The following SPOCK3 variants were observed in gnomAD, a reference collection of about 807,000 sequenced individuals.
The protein encoded by SPOCK3 is testican-3.
A neutral mutation model predicts 56.6 loss-of-function variants in SPOCK3; 30 were observed. The ratio of observed to expected loss-of-function variants is 0.53; its 90% CI spans 0.40 to 0.72. The LOEUF (loss-of-function observed/expected upper bound fraction) is 0.72. Among genes scored for constraint, SPOCK3 ranks in the 30% least tolerant of loss-of-function variants. The pLI, the probability that SPOCK3 is intolerant of heterozygous loss-of-function variation, is 0.00. For synonymous variants in SPOCK3, 196 were observed against 183.3 expected (o/e 1.07, Z -0.56); for missense variants, 527 against 530.0 (o/e 0.99, Z 0.06).
chr4:167,164,772 T>G (rs1187620652), intron 2 of SPOCK3, among the ~76,000 whole-genome samples: 1 of 152,168 alleles, frequency 6.6e-6, no homozygotes, highest in African/African-American at 2.4e-5. Flanking sequence ...CATTATCTTA[T>G]CCTTTTTTAT....
chr4:167,028,682 A>G (rs1751957727), intron 3 of SPOCK3, among the ~76,000 whole-genome samples: 1 of 152,050 alleles, frequency 6.6e-6, no homozygotes. Flanking sequence ...AGGAGATTGA[A>G]AAATCTCTTT....
chr4:166,940,838 A>C (rs2150015052), intron 4 of SPOCK3, among the ~76,000 whole-genome samples: 2 of 142,954 alleles, frequency 1.4e-5, no homozygotes, highest in Admixed American at 6.9e-5. Flanking sequence ...CTTACTGGTA[A>C]CTCCTCTTCC....
intron 3 of SPOCK3, among the ~76,000 whole-genome samples, chr4:167,043,890 A>G (rs1753468337): frequency 6.6e-6 from 1 of 151,918 alleles, no homozygotes; most frequent in Non-Finnish European, 1.5e-5. Flanking sequence ...CCTAGTCTAC[A>G]GTGTTTGTTT....
intron 2 of SPOCK3, among the ~76,000 whole-genome samples, chr4:167,072,683 CT>C (rs1580204366): frequency 1.3e-5 from 2 of 151,798 alleles, no homozygotes; most frequent in East Asian, 3.9e-4. Context: ...TTTATTTTTT[CT>C]TTTCTGACCA....
chr4:166,763,036 G>T (rs1159951758), intron 7 of SPOCK3, among the ~76,000 whole-genome samples: 4 of 151,774 alleles, frequency 2.6e-5, no homozygotes, highest in African/African-American at 9.7e-5. Flanking sequence ...AATTACAAAT[G>T]CAGATACACA....
chr4:166,782,079 A>G (rs1471085000), intron 7 of SPOCK3, among the ~76,000 whole-genome samples: 1 of 152,150 alleles, frequency 6.6e-6, no homozygotes, highest in Admixed American at 6.6e-5. Flanking sequence ...CATCTCAAAC[A>G]TTTATCACTT....
At chr4:167,084,667 G>A (rs1255095029) in intron 2 of SPOCK3, among the ~76,000 whole-genome samples, 5 of 152,210 alleles carry the variant, frequency 3.3e-5, no homozygotes, top group Admixed American at 3.3e-4. Flanking sequence ...CCACACTAAA[G>A]GAGCTTAGGT....
At chr4:166,897,399 G>A (rs545940789) in intron 5 of SPOCK3, among the ~76,000 whole-genome samples, 1 of 152,224 alleles carries the variant, frequency 6.6e-6, no homozygotes, top group African/African-American at 2.4e-5. Context: ...AGAAGAGAGA[G>A]GAGGGTTTTT....
Position 166,790,823 on chromosome 4 carries a change from T to C in SPOCK3, c.709+1347A>G, listed in dbSNP as rs149917703. Among the ~76,000 whole-genome samples the C allele has an allele frequency of 4.1e-3, 627 of 152,308 alleles. 8 individuals are homozygous for C. The highest frequency in any genetic ancestry group is 0.023 in the Admixed American group (347 of 15,292). On this transcript the variant is annotated intron_variant, in intron 7 of 10. Transcript: ENST00000357545. ...CAATAAAAATGTTCATCTATGAATA[T>C]TGGGAGTGGATATGAATTTTAAAAA... is the stretch of plus-strand genomic sequence containing the variant.
chr4:166,843,330 A>G (rs544155008), intron 6 of SPOCK3, among the ~76,000 whole-genome samples: 3 of 152,226 alleles, frequency 2.0e-5, no homozygotes, highest in African/African-American at 4.8e-5. Context: ...CCACCAGCAC[A>G]TTGTCCCCTC....
chr4:166,962,651 G>A (rs1188294549), intron 4 of SPOCK3, among the ~76,000 whole-genome samples: 1 of 152,032 alleles, frequency 6.6e-6, no homozygotes, highest in Admixed American at 6.6e-5. Context: ...ATCTTGAAGT[G>A]CATGACACTT....
intron 4 of SPOCK3, among the ~76,000 whole-genome samples, chr4:166,992,064 A>G (rs1747847528): frequency 6.6e-6 from 1 of 152,216 alleles, no homozygotes; most frequent in Non-Finnish European, 1.5e-5. Flanking sequence ...GAAATGAGAT[A>G]AAATCCATTT....
At chr4:167,024,217 T>C (rs1751475128) in intron 3 of SPOCK3, among the ~76,000 whole-genome samples, 1 of 152,030 alleles carries the variant, frequency 6.6e-6, no homozygotes. Context: ...TACTCAACTC[T>C]CTTTAATTAC....
chr4:166,805,088 T>A (rs1579280112), intron 6 of SPOCK3, among the ~76,000 whole-genome samples: 1 of 152,098 alleles, frequency 6.6e-6, no homozygotes, highest in Non-Finnish European at 1.5e-5. Context: ...TAATATTCTA[T>A]GGATATGTGT....
At chr4:167,129,349 A>G (rs972606338) in intron 2 of SPOCK3, among the ~76,000 whole-genome samples, 6 of 152,190 alleles carry the variant, frequency 3.9e-5, no homozygotes, top group African/African-American at 1.4e-4. Flanking sequence ...CTCTGGACTT[A>G]CTAAAAACAG....
chr4:166,813,175 G>T (rs1378358717), intron 6 of SPOCK3, among the ~76,000 whole-genome samples: 2 of 151,836 alleles, frequency 1.3e-5, no homozygotes, highest in Non-Finnish European at 2.9e-5. Flanking sequence ...AAGTAAATCC[G>T]ATCTCATTGT....
chr4:166,817,465 C>T (rs1341388582), intron 6 of SPOCK3, among the ~76,000 whole-genome samples: 6 of 151,886 alleles, frequency 4.0e-5, no homozygotes, highest in Non-Finnish European at 5.9e-5. Flanking sequence ...GTGAGGGACC[C>T]GTAGAGTATT....
In SPOCK3 at chr4:166,985,352, CA is replaced by C. The variant is rs1220148589; in HGVS notation, c.350+14996del. Among the ~76,000 whole-genome samples the C allele has an allele frequency of 2.0e-5, 3 of 152,192 alleles. No homozygotes were observed. In the East Asian group the frequency reaches 5.8e-4, roughly 29 times the overall value. On this transcript the variant is annotated intron_variant, in intron 4 of 10. Coordinates refer to ENST00000357545, the MANE Select transcript of SPOCK3 (RefSeq NM_001040159.2). ...TGAAGAGGCAACAATTCAAATCTTC[CA>C]GGCCCATTATTTTGAATATATGGAG... is the stretch of plus-strand genomic sequence containing the variant.
At chr4:167,023,961 G>T (rs899886857) in intron 3 of SPOCK3, among the ~76,000 whole-genome samples, 4 of 151,994 alleles carry the variant, frequency 2.6e-5, no homozygotes, top group Non-Finnish European at 4.4e-5. Flanking sequence ...GAGGCAGAAA[G>T]AAGTCAAAAT....
Sources: gnomAD v4.1 joint callset for allele counts (sites outside exome capture counted in the v4.1 genomes callset) on GRCh38, gnomAD v4.1.1 for gene constraint, MANE v1.5 for transcripts, NCBI Gene and HGNC (gene_info 2026-07-23, HGNC 2026-07-21) for gene names.